Variants in USP49 observed in about 807,000 individuals in gnomAD.
USP49 encodes ubiquitin specific peptidase 49.
Under a neutral mutation model 58.6 loss-of-function variants are expected in USP49, and 24 were observed. That is an observed-to-expected ratio of 0.41 (90% confidence interval 0.30 to 0.58). The LOEUF is 0.58. Among genes scored for constraint, USP49 ranks in the 20% least tolerant of loss-of-function variants. USP49 has a pLI of 0.30. For synonymous variants in USP49, 408 were observed against 365.1 expected (o/e 1.12, Z -1.34); for missense variants, 703 against 866.1 (o/e 0.81, Z 2.36).
intron 3 of USP49, among the ~76,000 whole-genome samples, chr6:41,846,102 G>A (rs1773917175): frequency 1.3e-5 from 2 of 152,096 alleles, no homozygotes; most frequent in South Asian, 4.1e-4. Flanking sequence ...GATCACTTGA[G>A]GTCAGGAGGT....
At chr6:41,849,326 GT>G (rs1168977111) in intron 3 of USP49, among the ~76,000 whole-genome samples, 1 of 152,086 alleles carries the variant, frequency 6.6e-6, no homozygotes, top group Non-Finnish European at 1.5e-5. Context: ...GAATTGAAGG[GT>G]AAAAGAGCAA....
chr6:41,866,606 T>C (rs919732243), intron 3 of USP49, among the ~76,000 whole-genome samples: 1 of 152,202 alleles, frequency 6.6e-6, no homozygotes, highest in Non-Finnish European at 1.5e-5. Flanking sequence ...TACAATGTTC[T>C]GAGATAGAAA....
chr6:41,878,979 G>A (rs1052765940), intron 2 of USP49, among the ~76,000 whole-genome samples: 1 of 152,174 alleles, frequency 6.6e-6, no homozygotes, highest in South Asian at 2.1e-4. Context: ...CGGTGGCAAG[G>A]AACATAAAAT....
chr6:41,805,708 T>G lies in USP49; in HGVS notation c.1276A>C (p.Ile426Leu). Reference sequence around the variant, plus strand: ...GTGAGCTTCCTCTGGGAGAAGGGGATGAGGATCCGGCGTGTGGTGCCCTCA... The same window carrying G: ...GTGAGCTTCCTCTGGGAGAAGGGGAGGAGGATCCGGCGTGTGGTGCCCTCA... ...ESEGTTRRIL[I>L]PFSQRKLTKQ... The change falls in exon 4 of 8, where the codon ATC becomes CTC. Residue 426 changes from isoleucine to leucine, a missense_variant. Coordinates refer to ENST00000682992, the MANE Select transcript of USP49 (RefSeq NM_001286554.2). 1.2e-6 allele frequency: 2 copies of G among 1,614,132 alleles called. No individual in the cohort carries two copies. Among genetic ancestry groups the G allele is most frequent in the Non-Finnish European group, 1.7e-6 (2 of 1,180,012 alleles).
chr6:41,818,845 TCTGTCTTTAGCCATA>T (rs1424976296), intron 3 of USP49, among the ~76,000 whole-genome samples: 2 of 152,170 alleles, frequency 1.3e-5, no homozygotes, highest in Non-Finnish European at 2.9e-5. Flanking sequence ...AGCATTATAC[TCTGTCTTTAGCCATA>T]CTGTATATGT....
chr6:41,812,847 A>G (rs1236774953), intron 3 of USP49, among the ~76,000 whole-genome samples: 2 of 152,238 alleles, frequency 1.3e-5, no homozygotes, highest in Admixed American at 6.5e-5. Flanking sequence ...CTATATATCA[A>G]TGAGAGGGAT....
intron 2 of USP49, among the ~76,000 whole-genome samples, chr6:41,876,663 C>T (rs1439342808): frequency 6.6e-6 from 1 of 152,176 alleles, no homozygotes; most frequent in African/African-American, 2.4e-5. Context: ...CCGCCAGCCT[C>T]GGCCTCCCAA....
chr6:41,854,692 G>T (rs1055071436), intron 3 of USP49, among the ~76,000 whole-genome samples: 1 of 152,138 alleles, frequency 6.6e-6, no homozygotes, highest in Non-Finnish European at 1.5e-5. Context: ...GTACACACAC[G>T]TGTGCATTTT....
rs767972466 is a variant in USP49, at chr6:41,803,975, G to A, written c.1392C>T (p.Thr464=). ...GGGATAGGTCCCAAAAGGGCTCAAT[G>A]GTATTGGATTTGTAATTGCATGATA... ...TCISCNYKSN[T]IEPFWDLSLE... The change falls in exon 5 of 8, where the codon ACC becomes ACT. Residue 464 remains threonine (T), a synonymous_variant. Coordinates refer to ENST00000682992, the MANE Select transcript of USP49 (RefSeq NM_001286554.2). The surrounding 1 kb of genome is among the most constrained non-coding windows in gnomAD (Gnocchi z 4.1). 3.1e-6 allele frequency: 5 copies of A among 1,614,078 alleles called. No individual in the cohort carries two copies. Among genetic ancestry groups the A allele is most frequent in the East Asian group, 4.5e-5 (2 of 44,882 alleles).
At chr6:41,854,316 C>CAA (rs565189473) in intron 3 of USP49, among the ~76,000 whole-genome samples, 46 of 91,028 alleles carry the variant, frequency 5.1e-4, no homozygotes, top group East Asian at 1.0e-3. Context: ...GACTCTGTCT[C>CAA]AAAAAAAAAA....
At chr6:41,895,105 G>C (rs1774874804) in intron 1 of USP49, among the ~76,000 whole-genome samples, 1 of 145,920 alleles carries the variant, frequency 6.9e-6, no homozygotes, top group South Asian at 2.1e-4. Context: ...CCCGCGAGGC[G>C]CGCGCTGCCT....
chr6:41,886,743 C>CA (rs980910992), intron 2 of USP49, among the ~76,000 whole-genome samples: 3 of 152,080 alleles, frequency 2.0e-5, no homozygotes, highest in Non-Finnish European at 2.9e-5. Context: ...CCTAACAATA[C>CA]AAAAAATTAG....
At chr6:41,836,571 G>A (rs546222308) in intron 3 of USP49, among the ~76,000 whole-genome samples, 1 of 152,092 alleles carries the variant, frequency 6.6e-6, no homozygotes, top group Non-Finnish European at 1.5e-5. Flanking sequence ...AGGAAGAGAA[G>A]AAGTCAAACT....
chr6:41,849,462 T>C (rs1184521601), intron 3 of USP49, among the ~76,000 whole-genome samples: 2 of 152,150 alleles, frequency 1.3e-5, no homozygotes, highest in Non-Finnish European at 2.9e-5. Flanking sequence ...AATAGACATA[T>C]ATAGAGAACT....
At chr6:41,885,864 A>G (rs1373869192) in intron 2 of USP49, among the ~76,000 whole-genome samples, 1 of 152,000 alleles carries the variant, frequency 6.6e-6, no homozygotes, top group Non-Finnish European at 1.5e-5. Context: ...TAAACTACAC[A>G]CTGGGCCCAA....
rs1372943931 is a variant in USP49 at position 41,794,454 on chromosome 6, G to C, written c.*2079C>G. 2.0e-5 allele frequency: 3 copies of C among 152,154 alleles called. No individual in the cohort carries two copies. Among genetic ancestry groups the C allele is most frequent in the Non-Finnish European group, 4.4e-5 (3 of 68,026 alleles). 9.4% of individuals were successfully genotyped at this position (152,154 alleles called of 1,614,324 possible). On this transcript the variant is annotated 3_prime_UTR_variant, in exon 8 of 8. Transcript: ENST00000682992. The stretch of plus-strand genomic sequence containing the variant: ...TGCTCTATTAGTTCTTCTCTATCTT[G>C]TAAGTTCTTTTTTTCTAGAATAATA...
At chr6:41,821,725 G>A (rs1773456226) in intron 3 of USP49, among the ~76,000 whole-genome samples, 1 of 152,112 alleles carries the variant, frequency 6.6e-6, no homozygotes, top group African/African-American at 2.4e-5. Context: ...AGTGAGCCGA[G>A]ATCGCACCAC....
Position 41,798,849 on chromosome 6 carries a change from C to A in USP49, c.1751G>T (p.Cys584Phe). The change falls in exon 7 of 8, where the codon TGC (cysteine) becomes TTC (phenylalanine). Residue 584 changes from cysteine to phenylalanine, a missense_variant. By Grantham distance (205) the Cys-to-Phe change is radical. Around this residue, in one of 6 missense-constraint regions of USP49, gnomAD observed 158 missense variants for 241.2 expected, o/e 0.66. Coordinates refer to ENST00000682992, the MANE Select transcript of USP49 (RefSeq NM_001286554.2). ...GTCAAGAGAGGAGAGCATGTCCCTG[C>A]AGCAGTAAGGTTCCATGGTTAATAC... Reference protein sequence around the residue: ...DQVLTMEPYCCRDMLSSLDKE... With the variant: ...DQVLTMEPYCFRDMLSSLDKE... 2 of 1,613,990 alleles carry A rather than the reference C, an allele frequency of 1.2e-6. No individual in the cohort carries two copies. The highest frequency in any genetic ancestry group is 2.2e-5 in the South Asian group (2 of 91,052).
At chr6:41,838,769 C>T (rs1773769652) in intron 3 of USP49, among the ~76,000 whole-genome samples, 1 of 152,194 alleles carries the variant, frequency 6.6e-6, no homozygotes, top group Non-Finnish European at 1.5e-5. Flanking sequence ...CAAACCACTG[C>T]AGAATATACA....
Sources: allele counts gnomAD v4.1 joint callset (sites outside exome capture counted in the v4.1 genomes callset), GRCh38; gene constraint gnomAD v4.1.1; regional missense constraint gnomAD v4.1.1; non-coding constraint Gnocchi (gnomAD v3.1); transcripts MANE v1.5; gene names NCBI Gene and HGNC (gene_info 2026-07-23, HGNC 2026-07-21).